CDK14: variants seen among roughly 807,000 people sequenced by gnomAD.
CDK14 encodes cyclin-dependent kinase 14.
A neutral mutation model predicts 60.7 loss-of-function variants in CDK14; 34 were observed. That is an observed-to-expected ratio of 0.56 (90% CI 0.43 to 0.75). The LOEUF (loss-of-function observed/expected upper bound fraction) is 0.75. Ranked by LOEUF, CDK14 falls within the 30% of genes least tolerant of loss-of-function variation. CDK14 has a pLI of 0.00. For synonymous variants in CDK14, 197 were observed against 203.7 expected (o/e 0.97, Z 0.28); for missense variants, 482 against 564.1 (o/e 0.85, Z 1.47).
intron 2 of CDK14, among the ~76,000 whole-genome samples, chr7:90,626,708 G>C (rs1379143331): frequency 6.6e-6 from 1 of 152,174 alleles, no homozygotes; most frequent in Non-Finnish European, 1.5e-5. Flanking sequence ...CAGAGGCTAA[G>C]GTGGGAGGAT....
chr7:90,980,501 G>A (rs2115613700), intron 9 of CDK14, among the ~76,000 whole-genome samples: 1 of 152,262 alleles, frequency 6.6e-6, no homozygotes, highest in South Asian at 2.1e-4. Flanking sequence ...GTAGAAAGAG[G>A]TGGGGGGAAA....
At chr7:90,863,388 A>G in intron 6 of CDK14, 119 bp downstream of exon 6, 1 of 541,854 alleles carries the variant, frequency 1.8e-6, no homozygotes, top group Non-Finnish European at 3.2e-6. Context: ...ATCTGAATAC[A>G]TGAGAATTAT....
At chr7:90,822,861 G>A (rs572125344) in intron 5 of CDK14, among the ~76,000 whole-genome samples, 1 of 152,278 alleles carries the variant, frequency 6.6e-6, no homozygotes, top group East Asian at 1.9e-4. Context: ...AGAATGCTAG[G>A]AATCTTTAAT....
At chr7:90,729,525 A>G (rs1802778883) in intron 3 of CDK14, among the ~76,000 whole-genome samples, 1 of 150,756 alleles carries the variant, frequency 6.6e-6, no homozygotes, top group Admixed American at 6.6e-5. Flanking sequence ...GGTAAGGGGG[A>G]GAGATAAATA....
chr7:90,692,162 T>C lies in CDK14; in HGVS notation c.124-34405T>C, dbSNP rs368208705. 2.0e-5 allele frequency among the ~76,000 whole-genome samples: 3 copies of C among 152,224 alleles called. No homozygotes were observed. The South Asian group carries it at 6.2e-4, about 32-fold the overall frequency. ...TTAAAGATACATTTGATTGCAAATA[T>C]TTGACAACCAGTATTTCTAGCTTTT... On this transcript the variant is annotated intron_variant, in intron 2 of 14. Transcript: ENST00000380050.
chr7:90,734,630 A>G (rs1184125352), intron 3 of CDK14, among the ~76,000 whole-genome samples: 1 of 150,338 alleles, frequency 6.7e-6, no homozygotes, highest in Non-Finnish European at 1.5e-5. Context: ...ATGGTTCACA[A>G]AGTTCTTGTG....
chr7:90,606,584 T>A lies in CDK14; in HGVS notation c.123+2335T>A, dbSNP rs560680545. ...TGAAGAATTACAGCTATGAGGAGAG[T>A]TAATTTCAGATATTCCTCTAACATT... On this transcript the variant is annotated intron_variant, in intron 2 of 14. Coordinates refer to ENST00000380050, the MANE Select transcript of CDK14 (RefSeq NM_001287135.2). Among the ~76,000 whole-genome samples, 3 of 152,162 alleles carry A rather than the reference T, an allele frequency of 2.0e-5. No individual in the cohort carries two copies. In the East Asian group the frequency reaches 5.8e-4, roughly 29 times the overall value.
chr7:91,129,034 C>T (rs1253165504), intron 14 of CDK14, among the ~76,000 whole-genome samples: 1 of 152,044 alleles, frequency 6.6e-6, no homozygotes, highest in African/African-American at 2.4e-5. Context: ...AGAGAAGGTC[C>T]CTGGATACTA....
intron 14 of CDK14, among the ~76,000 whole-genome samples, chr7:91,174,037 C>T (rs1415208932): frequency 2.0e-5 from 3 of 152,190 alleles, no homozygotes; most frequent in Admixed American, 6.5e-5. Flanking sequence ...GCAGTAACCT[C>T]CGCAGACTTA....
At chr7:90,966,640 C>T (rs1015046045) in intron 9 of CDK14, among the ~76,000 whole-genome samples, 1 of 152,038 alleles carries the variant, frequency 6.6e-6, no homozygotes, top group Admixed American at 6.6e-5. Context: ...TTGAGGCCTC[C>T]TGGGTTTAAT....
chr7:91,137,708 GTGTGTGTA>G (rs1476825235), intron 14 of CDK14, among the ~76,000 whole-genome samples: 2,862 of 146,842 alleles, frequency 0.019, 87 homozygotes, highest in African/African-American at 0.064. Context: ...GTGTGTGTGT[GTGTGTGTA>G]TGTGTGTGTG....
intron 9 of CDK14, among the ~76,000 whole-genome samples, chr7:90,964,484 C>A (rs1794698919): frequency 6.6e-6 from 1 of 152,128 alleles, no homozygotes; most frequent in Non-Finnish European, 1.5e-5. Flanking sequence ...AACAATAAAA[C>A]CTATTTTAAG....
At chr7:90,856,602 C>T (rs1378474047) in intron 5 of CDK14, among the ~76,000 whole-genome samples, 3 of 152,182 alleles carry the variant, frequency 2.0e-5, no homozygotes, top group Admixed American at 6.5e-5. Flanking sequence ...ACTGTCTCCT[C>T]ATTACAGACA....
intron 9 of CDK14, among the ~76,000 whole-genome samples, chr7:90,962,841 G>C (rs1288535703): frequency 6.6e-6 from 1 of 152,068 alleles, no homozygotes; most frequent in Non-Finnish European, 1.5e-5. Flanking sequence ...AGAATAACAA[G>C]AGATGGTTAC....
chr7:91,012,459 T>G (rs560554192), intron 10 of CDK14, among the ~76,000 whole-genome samples: 1 of 152,316 alleles, frequency 6.6e-6, no homozygotes, highest in African/African-American at 2.4e-5. Context: ...GCTTTGCATA[T>G]TATAGTAGCC....
At chr7:91,135,439 A>G (rs1800250643) in intron 14 of CDK14, among the ~76,000 whole-genome samples, 1 of 152,168 alleles carries the variant, frequency 6.6e-6, no homozygotes, top group African/African-American at 2.4e-5. Flanking sequence ...TTGAATTGGA[A>G]GGCTGGTCTC....
At chr7:91,114,572 C>T (rs1344690674) in intron 13 of CDK14, among the ~76,000 whole-genome samples, 5 of 152,094 alleles carry the variant, frequency 3.3e-5, no homozygotes, top group Admixed American at 6.5e-5. Context: ...AACCGTAAGG[C>T]GATATTCATT....
chr7:90,740,744 G>A lies in CDK14; in HGVS notation c.370-6937G>A, dbSNP rs190722752. On this transcript the variant is annotated intron_variant, in intron 3 of 14. Coordinates refer to ENST00000380050, the MANE Select transcript of CDK14 (RefSeq NM_001287135.2). ...AAAATAAACCCTTGTTATTTGGTTC[G>A]GATTTTTTCTTTAAACACTGTTAAT... Among the ~76,000 whole-genome samples the A allele has an allele frequency of 1.7e-3, 252 of 152,182 alleles. 1 individual carries two copies. Among genetic ancestry groups the A allele is most frequent in the African/African-American group, 5.9e-3 (244 of 41,514 alleles).
intron 5 of CDK14, among the ~76,000 whole-genome samples, chr7:90,823,514 C>G (rs1047295342): frequency 8.5e-5 from 13 of 152,156 alleles, no homozygotes; most frequent in Non-Finnish European, 1.6e-4. Context: ...AGAAGAAGCC[C>G]TGTTGGGTTT....
Sources: gnomAD v4.1 joint callset for allele counts (sites outside exome capture counted in the v4.1 genomes callset) on GRCh38, gnomAD v4.1.1 for gene constraint, MANE v1.5 for transcripts, NCBI Gene and HGNC (gene_info 2026-07-23, HGNC 2026-07-21) for gene names.